SUPT5H: variants seen among roughly 807,000 people sequenced by gnomAD.
SUPT5H encodes the protein SPT5 homolog, DSIF elongation factor subunit.
A neutral mutation model predicts 142.5 loss-of-function variants in SUPT5H; 24 were observed. That is an observed-to-expected ratio of 0.17 (90% CI 0.12 to 0.24). SUPT5H has a LOEUF of 0.24. SUPT5H is among the 10% of genes least tolerant of loss of function. The pLI, the probability that SUPT5H is intolerant of heterozygous loss-of-function variation, is 1.00. For missense variants in SUPT5H, 893 were observed against 1,471.8 expected, an observed-to-expected ratio of 0.61 and a Z score of 6.43; for synonymous variants, 546 against 553.0, an observed-to-expected ratio of 0.99 and a Z score of 0.18.
At chr19:39,451,234 G>A (rs921431674) in intron 2 of SUPT5H, among the ~76,000 whole-genome samples, 2 of 145,160 alleles carry the variant, frequency 1.4e-5, no homozygotes, top group Non-Finnish European at 3.0e-5. Flanking sequence ...TGTCGCCTAG[G>A]CTGGAGTGCA....
At chr19:39,452,830 G>A (rs2079037106) in intron 2 of SUPT5H, among the ~76,000 whole-genome samples, 1 of 152,014 alleles carries the variant, frequency 6.6e-6, no homozygotes, top group Admixed American at 6.6e-5. Context: ...GGCCAACATG[G>A]TGAAGCCACG....
chr19:39,459,276 G>A (rs201784852), intron 8 of SUPT5H, 27 bp downstream of exon 8: 39 of 1,554,516 alleles, frequency 2.5e-5, no homozygotes, highest in African/African-American at 2.0e-4. Flanking sequence ...GGTGGGGGCC[G>A]TGCTGGGGTG....
rs2079290597 is a variant in SUPT5H, at chr19:39,469,587, G to C, written c.1374+189G>C. ...CTCAGGGTCGGTGGGCAGCAGGCCT[G>C]CCTGGTGGTGTCTGTCTCTGGAGAG... On this transcript the variant is annotated intron_variant, in intron 16 of 29. Coordinates refer to ENST00000432763, the MANE Select transcript of SUPT5H (RefSeq NM_001111020.3). The surrounding 1 kb of genome is among the most constrained non-coding windows in gnomAD (Gnocchi z 5.1). 1.4e-6 allele frequency: 1 copy of C among 740,474 alleles called. No individual in the cohort carries two copies. Among genetic ancestry groups the C allele is most frequent in the African/African-American group, 1.8e-5 (1 of 56,860 alleles). The allele number at this position is 740,474 out of a possible 1,614,324, so 45.9% of individuals were successfully genotyped here. A position where few individuals can be genotyped will look rare whatever the true frequency, so the allele number is the denominator to read the frequency against.
At chr19:39,459,345 A>G (rs2079131682) in intron 8 of SUPT5H, 96 bp downstream of exon 8, 1 of 1,445,070 alleles carries the variant, frequency 6.9e-7, no homozygotes, top group African/African-American at 1.4e-5. Flanking sequence ...AAGTCAGGGC[A>G]GAGTCACACA....
chr19:39,474,268 C>G lies in SUPT5H; in HGVS notation c.2686C>G (p.Pro896Ala). 1.9e-6 allele frequency: 3 copies of G among 1,614,078 alleles called. No individual in the cohort carries two copies. The highest frequency in any genetic ancestry group is 2.5e-6 in the Non-Finnish European group (3 of 1,179,990). ...NTDQFSPYAA[P>A]SPQGSYQPSP... ...AGACCAGTTCTCTCCCTATGCTGCC[C>G]CCTCCCCACAAGGTTCCTACCAGCC... Residue 896 changes from proline to alanine, a missense_variant, in exon 27 of 30, where the codon CCC becomes GCC. Around this residue, in one of 6 missense-constraint regions of SUPT5H, gnomAD observed 336 missense variants for 546.5 expected, o/e 0.61. Transcript: ENST00000432763. The surrounding 1 kb of genome is among the most constrained non-coding windows in gnomAD (Gnocchi z 6.5).
intron 2 of SUPT5H, among the ~76,000 whole-genome samples, chr19:39,451,612 A>G (rs776490548): frequency 9.9e-5 from 15 of 152,096 alleles, no homozygotes; most frequent in African/African-American, 1.7e-4. Flanking sequence ...GCTGAGTGCA[A>G]CCTTCACCTC....
rs1450509827 is a variant in SUPT5H at position 39,470,374 on chromosome 19, C to A, written c.1531-3C>A. ...GCCTCACCCCTTTCACCATCCCTGGCAGCTGAAGGTGCTCCCCCGGGACCT... is the reference window on the plus strand; with the variant it reads ...GCCTCACCCCTTTCACCATCCCTGGAAGCTGAAGGTGCTCCCCCGGGACCT... On this transcript the variant is annotated splice_polypyrimidine_tract_variant and splice_region_variant and intron_variant, in intron 17 of 29. Coordinates refer to ENST00000432763, the MANE Select transcript of SUPT5H (RefSeq NM_001111020.3). This position sits in a 1 kb window ranked among gnomAD's most constrained non-coding sequence, Gnocchi z 5.8. 3 of 1,558,416 alleles carry A rather than the reference C, an allele frequency of 1.9e-6. No individual in the cohort carries two copies. In the Admixed American group the frequency reaches 5.6e-5, roughly 29 times the overall value.
rs2079247027 is a variant in SUPT5H at position 39,466,940 on chromosome 19, TGG to T, written c.1037+197_1037+198del. ...CTTCTGCTATAAAGATTGATGAGGC[TGG>T]GCGCAGCGGGAGGGAGCACTTTGGA... On this transcript the variant is annotated intron_variant, in intron 13 of 29. Coordinates refer to ENST00000432763, the MANE Select transcript of SUPT5H (RefSeq NM_001111020.3). This position sits in a 1 kb window ranked among gnomAD's most constrained non-coding sequence, Gnocchi z 4.3. The T allele has an allele frequency of 3.3e-6, 2 of 609,466 alleles. No individual in the cohort carries two copies. Among genetic ancestry groups the T allele is most frequent in the African/African-American group, 3.7e-5 (2 of 54,176 alleles). The allele number at this position is 609,466 out of a possible 1,614,324, so 37.8% of individuals were successfully genotyped here. A position where few individuals can be genotyped will look rare whatever the true frequency, so the allele number is the denominator to read the frequency against.
chr19:39,447,881 A>G (rs1460435259), intron 2 of SUPT5H, among the ~76,000 whole-genome samples: 3 of 152,248 alleles, frequency 2.0e-5, no homozygotes, highest in Admixed American at 1.3e-4. Context: ...CAGTAAACAG[A>G]TGACAGGGTG....
At chr19:39,461,779 G>T (rs544206595) in intron 10 of SUPT5H, among the ~76,000 whole-genome samples, 2 of 148,992 alleles carry the variant, frequency 1.3e-5, no homozygotes, top group East Asian at 3.9e-4. Flanking sequence ...AGCCAAGCTC[G>T]TGCCACTGCA....
At position 39,471,718 on chromosome 19, in the gene SUPT5H, T is replaced by G. The variant is rs747334832; in HGVS notation, c.1938T>G (p.Ala646=). 1.9e-6 allele frequency: 3 copies of G among 1,613,910 alleles called. No individual in the cohort carries two copies. The highest frequency in any genetic ancestry group is 2.2e-5 in the South Asian group (2 of 91,042). ...GCAAGACCCGCCACCTGGTGCTGGC[T>G]GGGGGCTCAAAGGTGAGGTGGGCAT... ...FVCKTRHLVL[A]GGSKPRDVTN... Residue 646 remains alanine, a synonymous_variant, in exon 20 of 30, where the codon GCT becomes GCG. Coordinates refer to ENST00000432763, the MANE Select transcript of SUPT5H (RefSeq NM_001111020.3).
intron 2 of SUPT5H, among the ~76,000 whole-genome samples, chr19:39,446,997 A>T (rs546518315): frequency 2.6e-5 from 4 of 151,362 alleles, no homozygotes; most frequent in South Asian, 2.1e-4. Flanking sequence ...GACGAGCAAG[A>T]CTCCGTCTTA....
intron 2 of SUPT5H, among the ~76,000 whole-genome samples, chr19:39,452,472 A>G (rs774563980): frequency 6.6e-6 from 1 of 152,108 alleles, no homozygotes; most frequent in Non-Finnish European, 1.5e-5. Flanking sequence ...TGGAGTTTTG[A>G]GAAAAACCAG....
At position 39,473,400 on chromosome 19, in the gene SUPT5H, A is replaced by G. The variant is rs754434840; in HGVS notation, c.2387-16A>G. ...GAGAAGGGACAGGACAGACACACTCATTTCCCCCATTCCAGGTAGCCGCAC... is the reference window on the plus strand; with the variant it reads ...GAGAAGGGACAGGACAGACACACTCGTTTCCCCCATTCCAGGTAGCCGCAC... On this transcript the variant is annotated splice_polypyrimidine_tract_variant and intron_variant, in intron 24 of 29. Transcript: ENST00000432763. The surrounding 1 kb of genome is among the most constrained non-coding windows in gnomAD (Gnocchi z 5.8). The G allele has an allele frequency of 2.5e-6, 4 of 1,612,786 alleles. No individual in the cohort carries two copies. Among genetic ancestry groups the G allele is most frequent in the Non-Finnish European group, 3.4e-6 (4 of 1,179,662 alleles).
chr19:39,453,873 C>T (rs568083342), intron 3 of SUPT5H, among the ~76,000 whole-genome samples: 3 of 152,324 alleles, frequency 2.0e-5, no homozygotes, highest in South Asian at 2.1e-4. Context: ...TAACTTTTCT[C>T]GTGCTACGGC....
rs757641324 is a variant in SUPT5H, at chr19:39,474,105, C to A, written c.2635C>A (p.Pro879Thr). The change falls in exon 26 of 30, where the codon CCA (proline) becomes ACA (threonine). Residue 879 changes from proline to threonine, a missense_variant. Physicochemically the swap from Pro to Thr is conservative, Grantham distance 38. Coordinates refer to ENST00000432763, the MANE Select transcript of SUPT5H (RefSeq NM_001111020.3). This position sits in a 1 kb window ranked among gnomAD's most constrained non-coding sequence, Gnocchi z 6.5. ...QVNPQYNPQT[P>T]GTPAMYNTDQ... ...CAACCCACAATACAACCCGCAGACG[C>A]CAGGGACGCCGGCCATGTGAGTCCA... The A allele has an allele frequency of 6.2e-7, 1 of 1,600,082 alleles. No individual in the cohort carries two copies. Among genetic ancestry groups the A allele is most frequent in the South Asian group, 1.1e-5 (1 of 89,108 alleles).
Position 39,474,421 on chromosome 19 carries a change from G to C in SUPT5H, c.2820+19G>C. The C allele has an allele frequency of 1.2e-6, 2 of 1,611,764 alleles. No homozygotes were observed. On this transcript the variant is annotated intron_variant, in intron 27 of 29. Coordinates refer to ENST00000432763, the MANE Select transcript of SUPT5H (RefSeq NM_001111020.3). This position sits in a 1 kb window ranked among gnomAD's most constrained non-coding sequence, Gnocchi z 6.5. ...CTATCAGGTAATGGTCTGCCTGCCTGCCCTGAAGGGTGGTGGGCTAGGGTG... is the reference window on the plus strand; with the variant it reads ...CTATCAGGTAATGGTCTGCCTGCCTCCCCTGAAGGGTGGTGGGCTAGGGTG...
At chr19:39,451,113 G>A (rs1177718493) in intron 2 of SUPT5H, among the ~76,000 whole-genome samples, 1 of 144,438 alleles carries the variant, frequency 6.9e-6, no homozygotes, top group African/African-American at 2.6e-5. Flanking sequence ...TTTTGATTTT[G>A]TAATATTTGC....
intron 13 of SUPT5H, 43 bp from the exon 14 acceptor site, chr19:39,468,713 C>A (rs1048611607): frequency 1.3e-6 from 2 of 1,581,002 alleles, no homozygotes; most frequent in Non-Finnish European, 1.7e-6. Context: ...AGATTTTCTT[C>A]TTGACTCTCC....
Sources: allele counts gnomAD v4.1 joint callset (sites outside exome capture counted in the v4.1 genomes callset), GRCh38; gene constraint gnomAD v4.1.1; regional missense constraint gnomAD v4.1.1; non-coding constraint Gnocchi (gnomAD v3.1); transcripts MANE v1.5; gene names NCBI Gene and HGNC (gene_info 2026-07-23, HGNC 2026-07-21).